MACC1: variants seen among roughly 807,000 people sequenced by gnomAD.
MACC1 encodes the protein metastasis-associated in colon cancer protein 1.
In MACC1, 79 loss-of-function variants were observed where a neutral mutation model predicts 70.7. The ratio of observed to expected loss-of-function variants is 1.12; its 90% CI spans 0.93 to 1.35. MACC1 has a LOEUF of 1.35. Ranked by LOEUF, MACC1 falls within the 40% of genes most tolerant of loss-of-function variation. The pLI is 0.00. For synonymous variants in MACC1, 361 were observed against 347.2 expected (o/e 1.04, Z -0.44); for missense variants, 1,106 against 978.1 (o/e 1.13, Z -1.74).
At chr7:20,200,796 T>G (rs1782822287) in intron 1 of MACC1, among the ~76,000 whole-genome samples, 1 of 152,212 alleles carries the variant, frequency 6.6e-6, no homozygotes, top group African/African-American at 2.4e-5. Context: ...GCCTATTCTC[T>G]GCTTCCAGGC....
intron 1 of MACC1, among the ~76,000 whole-genome samples, chr7:20,210,581 T>C (rs17454913): frequency 0.087 from 13,238 of 152,282 alleles, 669 homozygotes; most frequent in Non-Finnish European, 0.12. Flanking sequence ...ATAATGTGCA[T>C]GCTTCTTAGG....
At chr7:20,207,246 T>C (rs1343805062) in intron 1 of MACC1, among the ~76,000 whole-genome samples, 2 of 152,032 alleles carry the variant, frequency 1.3e-5, no homozygotes, top group Non-Finnish European at 2.9e-5. Context: ...GTTCAAGCGA[T>C]TCTCCTATCT....
intron 1 of MACC1, among the ~76,000 whole-genome samples, chr7:20,201,453 G>C (rs1049400867): frequency 6.6e-6 from 1 of 152,168 alleles, no homozygotes. Context: ...GCATAGCAGT[G>C]GGGTAGGGGC....
chr7:20,194,522 C>G (rs1345177342), intron 1 of MACC1, among the ~76,000 whole-genome samples: 1 of 152,202 alleles, frequency 6.6e-6, no homozygotes, highest in Non-Finnish European at 1.5e-5. Context: ...TCATGGTACC[C>G]TTAAAAGCTT....
At chr7:20,153,682 T>C (rs568878223) in intron 6 of MACC1, among the ~76,000 whole-genome samples, 60 of 152,306 alleles carry the variant, frequency 3.9e-4, no homozygotes, top group African/African-American at 3.1e-4. Context: ...GTAGGCAACA[T>C]TGTGAAGGAG....
At position 20,136,243 on chromosome 7, in the gene MACC1, CTT is replaced by C. The variant is rs1462596709; in HGVS notation, c.*4701_*4702del. 2 of 152,174 alleles carry C rather than the reference CTT, an allele frequency of 1.3e-5. No individual in the cohort carries two copies. Among genetic ancestry groups the C allele is most frequent in the Admixed American group, 6.5e-5 (1 of 15,280 alleles). The allele number at this position is 152,174 out of a possible 1,614,324, so 9.4% of individuals were successfully genotyped here. A position where few individuals can be genotyped will look rare whatever the true frequency, so the allele number is the denominator to read the frequency against. On this transcript the variant is annotated 3_prime_UTR_variant, in exon 7 of 7. Transcript: ENST00000400331. ...AGATTAGAAACCGCAGCTCTCAACTCTTTGACTAGTGTCTTGTAGAGGAAGCC... is the reference window on the plus strand; with the variant it reads ...AGATTAGAAACCGCAGCTCTCAACTCTGACTAGTGTCTTGTAGAGGAAGCC...
chr7:20,153,788 A>C (rs566419595), intron 6 of MACC1, among the ~76,000 whole-genome samples: 66 of 152,218 alleles, frequency 4.3e-4, no homozygotes, highest in African/African-American at 1.6e-3. Flanking sequence ...ATCGCAAGTG[A>C]CTAAGTTTAT....
chr7:20,178,459 T>C (rs1381358427), intron 1 of MACC1, among the ~76,000 whole-genome samples: 2 of 152,236 alleles, frequency 1.3e-5, no homozygotes, highest in Non-Finnish European at 2.9e-5. Flanking sequence ...CATGTATTAG[T>C]GTTGATGAGA....
At chr7:20,147,035 T>C (rs1781902504) in intron 6 of MACC1, among the ~76,000 whole-genome samples, 1 of 152,190 alleles carries the variant, frequency 6.6e-6, no homozygotes, top group Non-Finnish European at 1.5e-5. Context: ...AGTTGAGCAG[T>C]TTTCCAAAGT....
rs1781708567 is a variant in MACC1 at position 20,135,589 on chromosome 7, C to T, written c.*5357G>A. 6.6e-6 allele frequency: 1 copy of T among 152,312 alleles called. No homozygotes were observed. The highest frequency in any genetic ancestry group is 2.4e-5 in the African/African-American group (1 of 41,556). The allele number at this position is 152,312 out of a possible 1,614,324, so 9.4% of individuals were successfully genotyped here. A position where few individuals can be genotyped will look rare whatever the true frequency, so the allele number is the denominator to read the frequency against. ...GAAATGCAAGTGATCAGGCCAGACC[C>T]TCTGAATGAGAAATTCTGGTGGTCG... On this transcript the variant is annotated 3_prime_UTR_variant, in exon 7 of 7. Coordinates refer to ENST00000400331, the MANE Select transcript of MACC1 (RefSeq NM_182762.4).
At chr7:20,181,080 C>T (rs1782498527) in intron 1 of MACC1, among the ~76,000 whole-genome samples, 1 of 149,082 alleles carries the variant, frequency 6.7e-6, no homozygotes, top group Non-Finnish European at 1.5e-5. Flanking sequence ...TGTATGTGCT[C>T]TGTGTGTGTG....
In MACC1 at chr7:20,159,524, G is replaced by A; in HGVS notation, c.837C>T (p.Asn279=). 3 of 1,614,100 alleles carry A rather than the reference G, an allele frequency of 1.9e-6. No homozygotes were observed. Among genetic ancestry groups the A allele is most frequent in the South Asian group, 2.2e-5 (2 of 91,084 alleles). The change falls in exon 5 of 7, where the codon AAC becomes AAT. Residue 279 remains asparagine, a synonymous_variant. Transcript: ENST00000400331. ...VSPLLEIMLG[N]LNTMEALLLE... Reference sequence around the variant, plus strand: ...GCAAAAGGGCTTCCATTGTATTGAGGTTGCCTAACATGATTTCCAACAACG... The same window carrying A: ...GCAAAAGGGCTTCCATTGTATTGAGATTGCCTAACATGATTTCCAACAACG...
chr7:20,216,287 A>G (rs1783069068), intron 1 of MACC1, among the ~76,000 whole-genome samples: 4 of 152,174 alleles, frequency 2.6e-5, no homozygotes. Flanking sequence ...TGGAATTTTC[A>G]CTACATGCTT....
In MACC1 at chr7:20,158,823, C is replaced by G. The variant is rs367950914; in HGVS notation, c.1538G>C (p.Arg513Thr). 123 of 1,613,938 alleles carry G rather than the reference C, an allele frequency of 7.6e-5. No homozygotes were observed. Among genetic ancestry groups the G allele is most frequent in the Non-Finnish European group, 9.9e-5 (117 of 1,180,012 alleles). Reference sequence around the variant, plus strand: ...CAAATAGCCTGGCAGATTCGAGAGTCTTTTTAGGTTTGGGGTTGGATCAGG... The same window carrying G: ...CAAATAGCCTGGCAGATTCGAGAGTGTTTTTAGGTTTGGGGTTGGATCAGG... ...TTPDPTPNLK[R>T]LSNLPGYLQK... Residue 513 changes from arginine (R) to threonine (T), a missense_variant, in exon 5 of 7, where the codon AGA becomes ACA. By Grantham distance (71) the Arg-to-Thr change is moderately conservative (BLOSUM62 -1). Transcript: ENST00000400331.
At chr7:20,164,166 A>G (rs1338527456) in intron 3 of MACC1, 90 bp downstream of exon 3, 2 of 152,212 alleles carry the variant, frequency 1.3e-5, no homozygotes, top group African/African-American at 4.8e-5. Context: ...CGAACTCCTG[A>G]CCTCAGGTGA....
intron 1 of MACC1, among the ~76,000 whole-genome samples, chr7:20,194,215 G>A (rs926812159): frequency 2.0e-5 from 3 of 152,064 alleles, no homozygotes; most frequent in Non-Finnish European, 4.4e-5. Flanking sequence ...GGTTTTTGCC[G>A]CTTTTTTTAT....
chr7:20,167,523 A>G (rs533793196), intron 2 of MACC1, among the ~76,000 whole-genome samples: 99 of 151,812 alleles, frequency 6.5e-4, no homozygotes, highest in African/African-American at 2.3e-3. Flanking sequence ...AAAGGTAGGG[A>G]AATAAAGTCT....
chr7:20,169,937 A>T (rs555225761), intron 2 of MACC1, among the ~76,000 whole-genome samples: 3 of 152,304 alleles, frequency 2.0e-5, no homozygotes, highest in African/African-American at 7.2e-5. Flanking sequence ...AACTTTGCCA[A>T]CTGGGCCCAT....
intron 1 of MACC1, among the ~76,000 whole-genome samples, chr7:20,215,118 G>C (rs1783050372): frequency 6.9e-6 from 1 of 145,096 alleles, no homozygotes; most frequent in African/African-American, 2.5e-5. Flanking sequence ...TTATTTATTT[G>C]GTCTCCAGTA....
Sources: allele counts gnomAD v4.1 joint callset (sites outside exome capture counted in the v4.1 genomes callset), GRCh38; gene constraint gnomAD v4.1.1; transcripts MANE v1.5; gene names NCBI Gene and HGNC (gene_info 2026-07-23, HGNC 2026-07-21).